Variants in ARID1B observed in about 807,000 individuals in gnomAD.
The protein encoded by ARID1B is AT-rich interaction domain 1B, also known as AT-rich interactive domain-containing protein 1B.
In ARID1B, 30 loss-of-function variants were observed where a neutral mutation model predicts 212.3. The observed-to-expected ratio is 0.14, with a 90% CI of 0.11 to 0.19. The LOEUF (loss-of-function observed/expected upper bound fraction) is 0.19. Ranked by LOEUF, ARID1B falls within the 10% of genes least tolerant of loss-of-function variation. The probability of loss-of-function intolerance (pLI) is 1.00; values close to 1 mark genes in which losing one functional copy is unlikely to be tolerated. For missense variants in ARID1B, 2,891 were observed against 3,204.0 expected, an observed-to-expected ratio of 0.90 and a Z score of 2.36; for synonymous variants, 1,402 against 1,301.7, an observed-to-expected ratio of 1.08 and a Z score of -1.66.
chr6:156,776,339 G>C (rs1024477413), upstream of ARID1B: 1 of 151,990 alleles, frequency 6.6e-6, no homozygotes, highest in African/African-American at 2.4e-5. Flanking sequence ...AACAAAGTAT[G>C]GAACATTTCT....
At chr6:156,807,053 G>A (rs1368710304) in intron 1 of ARID1B, among the ~76,000 whole-genome samples, 1 of 152,168 alleles carries the variant, frequency 6.6e-6, no homozygotes, top group Non-Finnish European at 1.5e-5. Context: ...CCAAGCGGTG[G>A]ACCAGATTTG....
At chr6:157,155,053 C>G (rs1258276145) in intron 8 of ARID1B, among the ~76,000 whole-genome samples, 3 of 151,894 alleles carry the variant, frequency 2.0e-5, no homozygotes, top group African/African-American at 7.3e-5. Context: ...TTTTTTTTCT[C>G]TTATCTGAAT....
At chr6:157,140,730 G>C in intron 7 of ARID1B, 1 of 398,434 alleles carries the variant, frequency 2.5e-6, no homozygotes, top group South Asian at 1.3e-4. Context: ...CTCGATGTCA[G>C]ATGCTGGCCT....
At chr6:156,866,861 C>T (rs1000361935) in intron 2 of ARID1B, among the ~76,000 whole-genome samples, 2 of 152,192 alleles carry the variant, frequency 1.3e-5, no homozygotes, top group African/African-American at 2.4e-5. Flanking sequence ...GTTTATACTA[C>T]TTGGAAACGT....
intron 1 of ARID1B, among the ~76,000 whole-genome samples, chr6:156,796,171 C>CT (rs1780360737): frequency 1.3e-5 from 2 of 152,156 alleles, no homozygotes; most frequent in Non-Finnish European, 2.9e-5. Flanking sequence ...TTTGCTGTCT[C>CT]TTGTTTCCTA....
rs35855139 is a variant in ARID1B at position 157,108,319 on chromosome 6, T to C, written c.2492-2153T>C. On this transcript the variant is annotated intron_variant, in intron 5 of 19. Transcript: ENST00000636930. Reference sequence around the variant, plus strand: ...CATTACTTACAGCCTTTTTTATTTCTACTTGAAATATTGTGCATAAGAGCA... The same window carrying C: ...CATTACTTACAGCCTTTTTTATTTCCACTTGAAATATTGTGCATAAGAGCA... Among the ~76,000 whole-genome samples, 457 of 152,334 alleles carry C rather than the reference T, an allele frequency of 3.0e-3. 2 individuals carry two copies. The highest frequency in any genetic ancestry group is 4.4e-3 in the Non-Finnish European group (299 of 68,024).
chr6:157,080,732 T>C (rs569500948), intron 4 of ARID1B, among the ~76,000 whole-genome samples: 37 of 152,344 alleles, frequency 2.4e-4, no homozygotes, highest in African/African-American at 8.4e-4. Flanking sequence ...CTTGTACTTG[T>C]CACTAGGGTT....
chr6:156,847,309 C>G (rs1489893400), intron 2 of ARID1B, among the ~76,000 whole-genome samples: 3 of 152,082 alleles, frequency 2.0e-5, no homozygotes, highest in Non-Finnish European at 4.4e-5. Flanking sequence ...GCGTCTCTGG[C>G]AGGGAACCTG....
chr6:157,001,568 G>C (rs918517762), intron 4 of ARID1B, among the ~76,000 whole-genome samples: 1 of 152,204 alleles, frequency 6.6e-6, no homozygotes, highest in Non-Finnish European at 1.5e-5. Flanking sequence ...GAATGCAGCA[G>C]ACATTTGTTA....
At chr6:157,169,854 G>C (rs189841670) in intron 9 of ARID1B, 1 of 152,294 alleles carries the variant, frequency 6.6e-6, no homozygotes, top group African/African-American at 2.4e-5. Flanking sequence ...CATATGTGCT[G>C]CTGGAACCAG....
In ARID1B at chr6:156,867,579, A is replaced by AT. The variant is rs949263263; in HGVS notation, c.1987-33787dup. On this transcript the variant is annotated intron_variant, in intron 2 of 19. Coordinates refer to ENST00000636930, the MANE Select transcript of ARID1B (RefSeq NM_001374828.1). ...CATTATTAGGAATACCACCTGATTA[A>AT]TTTTTTTTTTCATTTGGTTACATTT... Among the ~76,000 whole-genome samples, 40 of 150,238 alleles carry AT rather than the reference A, an allele frequency of 2.7e-4. 1 individual carries two copies. Among genetic ancestry groups the AT allele is most frequent in the Non-Finnish European group, 4.0e-4 (27 of 67,398 alleles).
chr6:156,984,448 G>T (rs1777800883), intron 4 of ARID1B, among the ~76,000 whole-genome samples: 1 of 152,204 alleles, frequency 6.6e-6, no homozygotes, highest in South Asian at 2.1e-4. Flanking sequence ...AAGTGAAAAT[G>T]TCCTAGGACC....
In ARID1B at chr6:157,208,052, T is replaced by C; in HGVS notation, c.*161T>C. 1.4e-6 allele frequency: 1 copy of C among 729,142 alleles called. No homozygotes were observed. Among genetic ancestry groups the C allele is most frequent in the Non-Finnish European group, 2.0e-6 (1 of 508,930 alleles). 45.2% of individuals were successfully genotyped at this position (729,142 alleles called of 1,614,324 possible). On this transcript the variant is annotated 3_prime_UTR_variant, in exon 20 of 20. Transcript: ENST00000636930. ...AATTGGGAATTAAAGAAATAATTAA[T>C]TTGAACAGTTATGAAATTAATATTT...
At chr6:157,161,220 A>G (rs1285582016) in intron 8 of ARID1B, among the ~76,000 whole-genome samples, 1 of 152,128 alleles carries the variant, frequency 6.6e-6, no homozygotes, top group African/African-American at 2.4e-5. Flanking sequence ...AAATAAAGGC[A>G]CTTCTATTCT....
chr6:156,798,256 C>T (rs1454791566), intron 1 of ARID1B, among the ~76,000 whole-genome samples: 2 of 152,218 alleles, frequency 1.3e-5, no homozygotes, highest in Admixed American at 6.5e-5. Context: ...CATCCTTCCT[C>T]CTCTCCGGTG....
chr6:157,128,658 A>G (rs1788321204), intron 6 of ARID1B, among the ~76,000 whole-genome samples: 2 of 152,246 alleles, frequency 1.3e-5, no homozygotes, highest in Admixed American at 1.3e-4. Flanking sequence ...GCAGCAATTC[A>G]TCTGTTAACA....
chr6:156,933,400 T>G (rs753844659), intron 3 of ARID1B, among the ~76,000 whole-genome samples: 4 of 152,240 alleles, frequency 2.6e-5, no homozygotes, highest in Non-Finnish European at 2.9e-5. Flanking sequence ...TGTGCCCTGC[T>G]TGATTTGAAA....
chr6:157,140,738 C>A (rs1789284358), intron 7 of ARID1B: 2 of 398,290 alleles, frequency 5.0e-6, no homozygotes, highest in Non-Finnish European at 8.9e-6. Context: ...CAGATGCTGG[C>A]CTCTGAGCAT....
chr6:157,159,550 G>A (rs140637428), intron 8 of ARID1B, among the ~76,000 whole-genome samples: 262 of 152,318 alleles, frequency 1.7e-3, no homozygotes, highest in African/African-American at 6.0e-3. Context: ...AGCAGAGCTG[G>A]TAACAGGTCG....
Sources: gnomAD v4.1 joint callset for allele counts (sites outside exome capture counted in the v4.1 genomes callset) on GRCh38, gnomAD v4.1.1 for gene constraint, MANE v1.5 for transcripts, NCBI Gene and HGNC (gene_info 2026-07-23, HGNC 2026-07-21) for gene names.